Variants in MED25 observed in about 807,000 individuals in gnomAD.
MED25 encodes the protein mediator of RNA polymerase II transcription subunit 25.
MED25 carries 62 observed loss-of-function variants against 89.4 expected under a neutral mutation model. The ratio of observed to expected loss-of-function variants is 0.69; its 90% CI spans 0.57 to 0.86. The LOEUF (loss-of-function observed/expected upper bound fraction) is 0.86. MED25 is among the 40% of genes least tolerant of loss of function. MED25 has a pLI of 0.00. For missense variants in MED25, 905 were observed against 1,005.2 expected, an observed-to-expected ratio of 0.90 and a Z score of 1.35; for synonymous variants, 449 against 427.9, an observed-to-expected ratio of 1.05 and a Z score of -0.61.
Position 49,834,930 on chromosome 19 carries a change from G to T in MED25, c.1483-56G>T. Reference sequence around the variant, plus strand: ...TAGAGCCTTCTGGAATGGGGAGGGGGTCAGGGCTGCCTCTTTCAGGGCCTG... The same window carrying T: ...TAGAGCCTTCTGGAATGGGGAGGGGTTCAGGGCTGCCTCTTTCAGGGCCTG... On this transcript the variant is annotated intron_variant, in intron 13 of 17. Transcript: ENST00000312865. This position sits in a 1 kb window ranked among gnomAD's most constrained non-coding sequence, Gnocchi z 4.1. 1.3e-6 allele frequency: 2 copies of T among 1,587,620 alleles called. No individual in the cohort carries two copies. The highest frequency in any genetic ancestry group is 1.7e-6 in the Non-Finnish European group (2 of 1,158,516).
rs556312341 is a variant in MED25, at chr19:49,828,394, A to G, written c.306-55A>G. 30 of 1,213,018 alleles carry G rather than the reference A, an allele frequency of 2.5e-5. No homozygotes were observed. In the East Asian group the frequency reaches 7.0e-4, roughly 28 times the overall value. 75.1% of individuals were successfully genotyped at this position (1,213,018 alleles called of 1,614,324 possible). ...GCATGGGAGCAGGCTCTTCAAGCAT[A>G]GCCTGGGGATGGGGATGATGGCAAC... is the stretch of plus-strand genomic sequence containing the variant. On this transcript the variant is annotated intron_variant, in intron 3 of 17. Coordinates refer to ENST00000312865, the MANE Select transcript of MED25 (RefSeq NM_030973.4).
At position 49,831,014 on chromosome 19, in the gene MED25, G is replaced by A. The variant is rs541132319; in HGVS notation, c.1101+127G>A. The A allele has an allele frequency of 4.2e-3, 4,446 of 1,063,156 alleles. 18 individuals are homozygous for A. Among genetic ancestry groups the A allele is most frequent in the Non-Finnish European group, 5.1e-3 (3,551 of 698,788 alleles). The allele number at this position is 1,063,156 out of a possible 1,614,324, so 65.9% of individuals were successfully genotyped here. On this transcript the variant is annotated intron_variant, in intron 9 of 17. Coordinates refer to ENST00000312865, the MANE Select transcript of MED25 (RefSeq NM_030973.4). The surrounding 1 kb of genome is among the most constrained non-coding windows in gnomAD (Gnocchi z 5.0). ...CGTGGTTCTGGGGCTTTGGGGGCTC[G>A]TGGTGTGTGTGCTGCAGATGCCTGA... is the stretch of plus-strand genomic sequence containing the variant.
intron 3 of MED25, among the ~76,000 whole-genome samples, chr19:49,821,503 A>G (rs998406218): frequency 6.6e-6 from 1 of 152,212 alleles, no homozygotes; most frequent in African/African-American, 2.4e-5. Flanking sequence ...GTGGTGGCTC[A>G]CGCCTGTAAT....
chr19:49,818,486 T>C lies in MED25; in HGVS notation c.134+11T>C, dbSNP rs2073954601. ...GCTCCCGGCCATCGAGTGAGTGCTG[T>C]TTCCGCGACTCTAACCCCGCCCTCC... On this transcript the variant is annotated intron_variant, in intron 1 of 17. Transcript: ENST00000312865. 6.2e-7 allele frequency: 1 copy of C among 1,614,064 alleles called. No individual in the cohort carries two copies. The highest frequency in any genetic ancestry group is 8.5e-7 in the Non-Finnish European group (1 of 1,180,044).
In MED25 at chr19:49,832,173, G is replaced by C. The variant is rs542375899; in HGVS notation, c.1374+16G>C. 1.1e-5 allele frequency: 18 copies of C among 1,611,280 alleles called. No individual in the cohort carries two copies. In the East Asian group the frequency reaches 3.8e-4, roughly 34 times the overall value. On this transcript the variant is annotated intron_variant, in intron 12 of 17. Coordinates refer to ENST00000312865, the MANE Select transcript of MED25 (RefSeq NM_030973.4). ...GCAGCTGCTGGTGAGTGGCGGTGGAGGGCCAGCCCTGCTGCCGGGCAGTCC... is the reference window on the plus strand; with the variant it reads ...GCAGCTGCTGGTGAGTGGCGGTGGACGGCCAGCCCTGCTGCCGGGCAGTCC...
At chr19:49,838,762 T>G (rs1208595392), downstream of MED25, 1 of 456,588 alleles carries the variant, frequency 2.2e-6, no homozygotes, top group Non-Finnish European at 4.4e-6. Context: ...CTACGACCAG[T>G]ACACAGAACA....
chr19:49,819,374 T>G (rs370599078), intron 3 of MED25, 78 bp downstream of exon 3: 52,092 of 479,658 alleles, frequency 0.11, 2,085 homozygotes, highest in Non-Finnish European at 0.12. Context: ...GGGTGGTTGG[T>G]GTCCCCGTGA....
intron 4 of MED25, 93 bp downstream of exon 4, chr19:49,828,640 C>A (rs1261702165): frequency 1.8e-6 from 2 of 1,105,980 alleles, no homozygotes; most frequent in African/African-American, 3.1e-5. Context: ...CAGCCTCACC[C>A]TGTAGGGCAT....
At position 49,830,273 on chromosome 19, in the gene MED25, C is replaced by T. The variant is rs540861921; in HGVS notation, c.819+55C>T. ...TCTGGGGACTTGCTGGAGCCCTGGCCCCTGGGGAGAAATCTAGTTGCATGT... is the reference window on the plus strand; with the variant it reads ...TCTGGGGACTTGCTGGAGCCCTGGCTCCTGGGGAGAAATCTAGTTGCATGT... On this transcript the variant is annotated intron_variant, in intron 7 of 17. Coordinates refer to ENST00000312865, the MANE Select transcript of MED25 (RefSeq NM_030973.4). This position sits in a 1 kb window ranked among gnomAD's most constrained non-coding sequence, Gnocchi z 4.6. The T allele has an allele frequency of 5.7e-6, 9 of 1,570,066 alleles. No homozygotes were observed. The highest frequency in any genetic ancestry group is 1.8e-4 in the Middle Eastern group (1 of 5,662).
chr19:49,819,338 A>AG (rs1390991196), intron 3 of MED25, 42 bp downstream of exon 3: 1 of 1,599,952 alleles, frequency 6.3e-7, no homozygotes, highest in African/African-American at 1.3e-5. Context: ...GGTCCCTGTG[A>AG]GGGGCCGTGA....
In MED25 at chr19:49,831,875, G is replaced by A. The variant is rs2074059809; in HGVS notation, c.1231-61G>A. On this transcript the variant is annotated intron_variant, in intron 10 of 17. Coordinates refer to ENST00000312865, the MANE Select transcript of MED25 (RefSeq NM_030973.4). The surrounding 1 kb of genome is among the most constrained non-coding windows in gnomAD (Gnocchi z 5.0). The stretch of plus-strand genomic sequence containing the variant: ...TTGGGGCTACCAGGGTAGGACATGA[G>A]GGCTCAAGGGGACTGAGGCTTATGG... 6.8e-7 allele frequency: 1 copy of A among 1,475,372 alleles called. No homozygotes were observed. The highest frequency in any genetic ancestry group is 9.5e-7 in the Non-Finnish European group (1 of 1,054,258). The allele number at this position is 1,475,372 out of a possible 1,614,324, so 91.4% of individuals were successfully genotyped here.
chr19:49,827,308 A>G (rs972616872), intron 3 of MED25, among the ~76,000 whole-genome samples: 40 of 152,300 alleles, frequency 2.6e-4, no homozygotes, highest in African/African-American at 9.1e-4. Context: ...AGGAGAAACG[A>G]GAGTCTGTGT....
chr19:49,832,074 C>A (rs2074061774), intron 11 of MED25, 26 bp from the exon 12 acceptor site: 1 of 1,613,374 alleles, frequency 6.2e-7, no homozygotes. Flanking sequence ...GCCCCCTCCT[C>A]ACACCTCTCC....
Position 49,835,840 on chromosome 19 carries a change from C to A in MED25, c.1860C>A (p.Gly620=). The A allele has an allele frequency of 6.2e-7, 1 of 1,611,764 alleles. No homozygotes were observed. ...AGCCCCCGCCAGGTGCCCCTCAAGG[C>A]CCTCCTGGAGCAGCTTCTGGCCCAC... is the stretch of plus-strand genomic sequence containing the variant. ...TAQPPPGAPQ[G]PPGAASGPPP... The change falls in exon 16 of 18, where the codon GGC becomes GGA. Residue 620 remains glycine (G), a synonymous_variant. Coordinates refer to ENST00000312865, the MANE Select transcript of MED25 (RefSeq NM_030973.4). This position sits in a 1 kb window ranked among gnomAD's most constrained non-coding sequence, Gnocchi z 6.2.
rs2074055859 is a variant in MED25, at chr19:49,831,330, C to A, written c.1102-3C>A. ...CATGGCCCTCCTTCCTCCCCTCTGG[C>A]AGGCAGGCACTGTGGCCCCAGGAGG... On this transcript the variant is annotated splice_region_variant and splice_polypyrimidine_tract_variant and intron_variant, in intron 9 of 17. Coordinates refer to ENST00000312865, the MANE Select transcript of MED25 (RefSeq NM_030973.4). This position sits in a 1 kb window ranked among gnomAD's most constrained non-coding sequence, Gnocchi z 5.0. The A allele has an allele frequency of 6.2e-7, 1 of 1,610,244 alleles. No individual in the cohort carries two copies. Among genetic ancestry groups the A allele is most frequent in the Non-Finnish European group, 8.5e-7 (1 of 1,178,748 alleles).
At chr19:49,838,407 C>G (rs758981557), downstream of MED25, 7 of 363,148 alleles carry the variant, frequency 1.9e-5, no homozygotes, top group Non-Finnish European at 3.8e-5. Flanking sequence ...CTGGAGCTGC[C>G]CCTCTCCATG....
At chr19:49,838,070 C>G (rs1347792117), downstream of MED25, among the ~76,000 whole-genome samples, 1 of 152,098 alleles carries the variant, frequency 6.6e-6, no homozygotes, top group Non-Finnish European at 1.5e-5. Flanking sequence ...TGTTGTTGGA[C>G]TCTGGACCAG....
In MED25 at chr19:49,831,604, C is replaced by A; in HGVS notation, c.1230+143C>A. ...TGCGCTGGACCTGTGGGATGCGGGGCGAGGCCAGGAGCCCCATGGAGTGGT... is the reference window on the plus strand; with the variant it reads ...TGCGCTGGACCTGTGGGATGCGGGGAGAGGCCAGGAGCCCCATGGAGTGGT... On this transcript the variant is annotated intron_variant, in intron 10 of 17. Coordinates refer to ENST00000312865, the MANE Select transcript of MED25 (RefSeq NM_030973.4). The surrounding 1 kb of genome is among the most constrained non-coding windows in gnomAD (Gnocchi z 5.0). 1.8e-6 allele frequency: 2 copies of A among 1,120,636 alleles called. No homozygotes were observed. The highest frequency in any genetic ancestry group is 2.5e-6 in the Non-Finnish European group (2 of 797,816). The allele number at this position is 1,120,636 out of a possible 1,614,324, so 69.4% of individuals were successfully genotyped here. A position where few individuals can be genotyped will look rare whatever the true frequency, so the allele number is the denominator to read the frequency against.
At position 49,829,551 on chromosome 19, in the gene MED25, T is replaced by C. The variant is rs573506714; in HGVS notation, c.526-235T>C. On this transcript the variant is annotated intron_variant, in intron 5 of 17. Transcript: ENST00000312865. The surrounding 1 kb of genome is among the most constrained non-coding windows in gnomAD (Gnocchi z 4.6). ...GACTCGGTCTCACAAAATCCTGGGA[T>C]TACAGACGTGAGCCTCCACACCTGG... is the stretch of plus-strand genomic sequence containing the variant. Among the ~76,000 whole-genome samples the C allele has an allele frequency of 4.6e-5, 7 of 152,290 alleles. No individual in the cohort carries two copies. The South Asian group carries it at 1.2e-3, about 27-fold the overall frequency.
Sources: gnomAD v4.1 joint callset for allele counts (sites outside exome capture counted in the v4.1 genomes callset) on GRCh38, gnomAD v4.1.1 for gene constraint, Gnocchi (gnomAD v3.1) non-coding constraint, MANE v1.5 for transcripts, NCBI Gene and HGNC (gene_info 2026-07-23, HGNC 2026-07-21) for gene names.